Variants in CPS1 observed in about 807,000 individuals in gnomAD.
CPS1 encodes the protein carbamoyl-phosphate synthase 1.
In CPS1, 109 loss-of-function variants were observed where a neutral mutation model predicts 174.6. The ratio of observed to expected loss-of-function variants is 0.62; its 90% CI spans 0.53 to 0.73. CPS1 has a LOEUF of 0.73. CPS1 is among the 30% of genes least tolerant of loss of function. CPS1 has a pLI of 0.00. For synonymous variants in CPS1, 637 were observed against 632.0 expected (o/e 1.01, Z -0.12); for missense variants, 1,689 against 1,821.9 (o/e 0.93, Z 1.33).
chr2:210,506,060 G>A (rs1351338002), intron 1 of CPS1, among the ~76,000 whole-genome samples: 4 of 152,176 alleles, frequency 2.6e-5, no homozygotes, highest in African/African-American at 4.8e-5. Context: ...GCATGCAGCT[G>A]GAGATCTGGA....
chr2:210,518,390 A>G (rs763898124), intron 1 of CPS1, among the ~76,000 whole-genome samples: 10 of 152,016 alleles, frequency 6.6e-5, no homozygotes, highest in Admixed American at 1.3e-4. Context: ...GCGTGGTTAG[A>G]ATAAAGACTA....
chr2:210,485,540 G>A (rs1694692382), intron 1 of CPS1, among the ~76,000 whole-genome samples: 1 of 152,012 alleles, frequency 6.6e-6, no homozygotes, highest in Non-Finnish European at 1.5e-5. Flanking sequence ...TTTATAGTAT[G>A]TAATTCTGAT....
rs1210031372 is a variant in CPS1 at position 210,594,502 on chromosome 2, T to C, written c.1165-6T>C. ...CTTCTAACTAGTTGGTTGTATTTTT[T>C]TCTAGTACCTGTTTGATTCCTTTTT... On this transcript the variant is annotated splice_region_variant and splice_polypyrimidine_tract_variant and intron_variant, in intron 11 of 37. Coordinates refer to ENST00000233072, the MANE Select transcript of CPS1 (RefSeq NM_001875.5). 1 of 1,601,370 alleles carries C rather than the reference T, an allele frequency of 6.2e-7. No individual in the cohort carries two copies. The highest frequency in any genetic ancestry group is 1.3e-5 in the African/African-American group (1 of 74,512).
intron 1 of CPS1, among the ~76,000 whole-genome samples, chr2:210,482,544 G>A (rs921719368): frequency 5.9e-5 from 9 of 151,876 alleles, no homozygotes; most frequent in Non-Finnish European, 1.2e-4. Context: ...TGATCCGCCC[G>A]CCTCAGCTTC....
intron 22 of CPS1, 43 bp from the exon 23 acceptor site, chr2:210,639,107 A>C: frequency 3.3e-6 from 5 of 1,516,940 alleles, no homozygotes; most frequent in Non-Finnish European, 3.6e-6. Flanking sequence ...AAAAAATTAT[A>C]ATAACATTCT....
intron 1 of CPS1, among the ~76,000 whole-genome samples, chr2:210,548,128 A>G (rs550839417): frequency 6.6e-6 from 1 of 152,122 alleles, no homozygotes; most frequent in South Asian, 2.1e-4. Flanking sequence ...TTTCTGAGTT[A>G]TATATTTTTA....
At chr2:210,656,030 A>T (rs1223389499) in intron 29 of CPS1, among the ~76,000 whole-genome samples, 2 of 152,148 alleles carry the variant, frequency 1.3e-5, no homozygotes, top group Non-Finnish European at 2.9e-5. Context: ...AAGGACTAGA[A>T]TATTTTTCCT....
chr2:210,566,577 C>A (rs956339438), intron 1 of CPS1, among the ~76,000 whole-genome samples: 2 of 152,048 alleles, frequency 1.3e-5, no homozygotes, highest in Non-Finnish European at 2.9e-5. Context: ...TTCTTTTAAT[C>A]CTCACTTACG....
chr2:210,533,223 G>A (rs564507540), intron 1 of CPS1, among the ~76,000 whole-genome samples: 2 of 152,194 alleles, frequency 1.3e-5, no homozygotes, highest in African/African-American at 2.4e-5. Flanking sequence ...ATGGTCTCTG[G>A]TTTTCTGAAG....
chr2:210,572,962 G>A (rs1358109840), intron 1 of CPS1, among the ~76,000 whole-genome samples: 1 of 152,060 alleles, frequency 6.6e-6, no homozygotes, highest in African/African-American at 2.4e-5. Context: ...CAAAGCTAGG[G>A]AATGATAAAG....
rs1696920344 is a variant in CPS1, at chr2:210,556,620, C to G, written c.-114C>G. 3.4e-5 allele frequency: 53 copies of G among 1,542,146 alleles called. 2 individuals are homozygous for G. The South Asian group carries it at 6.5e-4, about 19-fold the overall frequency. On this transcript the variant is annotated 5_prime_UTR_variant, in exon 1 of 38. Coordinates refer to ENST00000233072, the MANE Select transcript of CPS1 (RefSeq NM_001875.5). ...ATTCAAAGATCGCTGTGCAGTCAGC[C>G]TTAAACACTGACTGCACCCCTCCCA...
Position 210,599,480 on chromosome 2 carries a change from C to T in CPS1, c.1468C>T (p.Gln490Ter), listed in dbSNP as rs777614848. Residue 490 changes from glutamine (Q) to a stop codon, truncating the protein, a stop_gained, in exon 14 of 38, where the codon CAG becomes TAG. Transcript: ENST00000233072. LOFTEE classifies it high-confidence loss of function. ...TGTCTACTTTCTTCCCATCACCCCT[C>T]AGTTTGTCACAGAGGTCATCAAGGC... The part of the protein sequence containing the change: ...DTVYFLPITP[Q>*]FVTEVIKAEQ... 6.2e-7 allele frequency: 1 copy of T among 1,612,600 alleles called. No individual in the cohort carries two copies. The highest frequency in any genetic ancestry group is 8.5e-7 in the Non-Finnish European group (1 of 1,179,072).
chr2:210,603,493 G>A (rs1415069411), intron 16 of CPS1, among the ~76,000 whole-genome samples: 1 of 151,768 alleles, frequency 6.6e-6, no homozygotes, highest in Non-Finnish European at 1.5e-5. Context: ...CATATTTAGA[G>A]CAAAAACATG....
chr2:210,556,547 A>T, upstream of CPS1: 1 of 1,481,256 alleles, frequency 6.8e-7, no homozygotes, highest in Non-Finnish European at 8.9e-7. Context: ...AGGGGTTAAG[A>T]GAAGGAGGAG....
intron 1 of CPS1, among the ~76,000 whole-genome samples, chr2:210,564,532 C>T (rs1162251362): frequency 9.2e-5 from 14 of 152,020 alleles, no homozygotes; most frequent in Non-Finnish European, 7.4e-5. Context: ...CCTGCCACCA[C>T]GCCTGGCTAA....
chr2:210,558,468 T>C (rs1235150596), intron 1 of CPS1, among the ~76,000 whole-genome samples: 3 of 152,048 alleles, frequency 2.0e-5, no homozygotes, highest in Non-Finnish European at 4.4e-5. Flanking sequence ...TGAGAATTTA[T>C]TGTTAGTAAT....
intron 28 of CPS1, among the ~76,000 whole-genome samples, 198 bp from the exon 29 acceptor site, chr2:210,653,827 C>A (rs1015896137): frequency 6.6e-6 from 1 of 152,298 alleles, no homozygotes; most frequent in South Asian, 2.1e-4. Context: ...TGGAGAAAGA[C>A]CCTCTGCCTC....
chr2:210,480,117 A>G (rs1336159848), intron 1 of CPS1, among the ~76,000 whole-genome samples: 1 of 152,170 alleles, frequency 6.6e-6, no homozygotes, highest in Admixed American at 6.5e-5. Flanking sequence ...GCCATTCAGG[A>G]TCACAGATTC....
chr2:210,576,196 T>C, intron 2 of CPS1, 150 bp from the exon 3 acceptor site: 1 of 916,082 alleles, frequency 1.1e-6, no homozygotes, highest in East Asian at 2.5e-5. Flanking sequence ...TATTCTGTCA[T>C]AACATTTCCC....
Sources: gnomAD v4.1 joint callset for allele counts (sites outside exome capture counted in the v4.1 genomes callset) on GRCh38, gnomAD v4.1.1 for gene constraint, MANE v1.5 for transcripts, NCBI Gene and HGNC (gene_info 2026-07-23, HGNC 2026-07-21) for gene names.